EXD3: variants seen among roughly 807,000 people sequenced by gnomAD.
EXD3 encodes the protein exonuclease 3'-5' domain containing 3.
In EXD3, 92 loss-of-function variants were observed where a neutral mutation model predicts 98.0. The observed-to-expected ratio is 0.94, with a 90% CI of 0.79 to 1.12. The LOEUF (loss-of-function observed/expected upper bound fraction) is 1.12. EXD3 is among the 50% of genes most tolerant of loss of function. The pLI, the probability that EXD3 is intolerant of heterozygous loss-of-function variation, is 0.00. For synonymous variants in EXD3, 569 were observed against 526.0 expected (o/e 1.08, Z -1.12); for missense variants, 1,222 against 1,191.6 (o/e 1.03, Z -0.38).
intron 3 of EXD3, among the ~76,000 whole-genome samples, chr9:137,382,321 G>A (rs1836355587): frequency 6.6e-6 from 1 of 151,282 alleles, no homozygotes; most frequent in South Asian, 2.1e-4. Flanking sequence ...CCAAGGAGAC[G>A]CCAGGACGAA....
At position 137,385,893 on chromosome 9, in the gene EXD3, C is replaced by T. The variant is rs1033915597; in HGVS notation, c.56-2516G>A. On this transcript the variant is annotated intron_variant, in intron 2 of 21. Coordinates refer to ENST00000340951, the MANE Select transcript of EXD3 (RefSeq NM_017820.5). This position sits in a 1 kb window ranked among gnomAD's most constrained non-coding sequence, Gnocchi z 4.4. The stretch of plus-strand genomic sequence containing the variant: ...GAGATGAGAAGGTTCTGCAGGTGGA[C>T]GGTGGTGGCAGCTGTGCAGCCACAT... 9.9e-5 allele frequency among the ~76,000 whole-genome samples: 15 copies of T among 152,122 alleles called. No individual in the cohort carries two copies. The highest frequency in any genetic ancestry group is 1.5e-4 in the Non-Finnish European group (10 of 68,040).
At chr9:137,335,285 C>G (rs1003505827) in intron 17 of EXD3, among the ~76,000 whole-genome samples, 3 of 152,044 alleles carry the variant, frequency 2.0e-5, no homozygotes, top group African/African-American at 7.2e-5. Context: ...TACAGATACG[C>G]AGCAAACGTG....
At chr9:137,373,717 ATTCAGCCGCCATCTGCGCCT>A in intron 3 of EXD3, 118 bp from the exon 4 acceptor site, 2 of 1,205,960 alleles carry the variant, frequency 1.7e-6, no homozygotes, top group Non-Finnish European at 2.3e-6. Context: ...AGCTGTGGCC[ATTCAGCCGCCATCTGCGCCT>A]CCGTGACTTT....
chr9:137,384,767 A>G (rs1394313637), intron 2 of EXD3, among the ~76,000 whole-genome samples: 1 of 152,360 alleles, frequency 6.6e-6, no homozygotes, highest in Middle Eastern at 3.4e-3. Flanking sequence ...CAACAGCATC[A>G]GCAATGTCAG....
At chr9:137,354,574 T>TG (rs778324464) in intron 9 of EXD3, 126 bp downstream of exon 9, 10 of 1,543,830 alleles carry the variant, frequency 6.5e-6, no homozygotes, top group Non-Finnish European at 8.7e-6. Context: ...CACCCAGCTC[T>TG]GGGGCAAGAA....
chr9:137,326,691 A>G (rs1372309828), intron 17 of EXD3, among the ~76,000 whole-genome samples: 1 of 152,182 alleles, frequency 6.6e-6, no homozygotes, highest in Admixed American at 6.5e-5. Flanking sequence ...CTTTATAAAA[A>G]AAAAGGGAAA....
intron 7 of EXD3, among the ~76,000 whole-genome samples, chr9:137,364,014 G>C (rs1588352324): frequency 6.6e-6 from 1 of 151,868 alleles, no homozygotes; most frequent in East Asian, 1.9e-4. Flanking sequence ...TTACTTTATT[G>C]AGAGTTGCAA....
chr9:137,329,642 C>CA, intron 17 of EXD3, among the ~76,000 whole-genome samples: 1 of 60,940 alleles, frequency 1.6e-5, no homozygotes, highest in Non-Finnish European at 3.1e-5. Context: ...CGGGACTACA[C>CA]GGGACTACAC....
intron 17 of EXD3, among the ~76,000 whole-genome samples, chr9:137,327,546 G>T (rs1832498635): frequency 6.6e-6 from 1 of 151,942 alleles, no homozygotes; most frequent in Non-Finnish European, 1.5e-5. Flanking sequence ...TGGTTAAAAT[G>T]GTCAATTTCG....
Position 137,352,640 on chromosome 9 carries a change from G to A in EXD3, c.1017C>T (p.Arg339=), listed in dbSNP as rs1465285760. ...CTCACCTCCCCTGGAGCCTGAACCG[G>A]CGGAGTTCCACAGCCACCGCAGCCG... ...RLPAAVAVEL[R]RFRLQGRATE... The change falls in exon 11 of 22, where the codon CGC becomes CGT. Residue 339 remains arginine, a synonymous_variant. Transcript: ENST00000340951. 6.5e-7 allele frequency: 1 copy of A among 1,547,092 alleles called. No individual in the cohort carries two copies. The highest frequency in any genetic ancestry group is 1.2e-5 in the South Asian group (1 of 83,848).
chr9:137,355,236 C>T (rs1255985507), intron 8 of EXD3, among the ~76,000 whole-genome samples: 2 of 152,054 alleles, frequency 1.3e-5, no homozygotes, highest in African/African-American at 4.8e-5. Context: ...CACTCCAGAG[C>T]CTGAGGGGGC....
chr9:137,383,442 C>T (rs936242210), intron 2 of EXD3, 65 bp from the exon 3 acceptor site: 16 of 1,276,830 alleles, frequency 1.3e-5, no homozygotes, highest in Admixed American at 2.3e-5. Flanking sequence ...CACAGCCCGC[C>T]GGGAAGTCCC....
Position 137,351,074 on chromosome 9 carries a change from A to G in EXD3, c.1458T>C (p.Ile486=). 3.8e-6 allele frequency: 6 copies of G among 1,578,066 alleles called. No individual in the cohort carries two copies. The highest frequency in any genetic ancestry group is 2.3e-5 in the East Asian group (1 of 42,848). ...CCAGCAGCAGGTCCATGCCGCCCAG[A>G]ATCTGCTTCTCCACATGGGCCAGGG... ...CPALAHVEKQ[I]LGGMDLLLVH... is the part of the protein sequence containing the mutation. The change falls in exon 14 of 22, where the codon ATT becomes ATC. Residue 486 remains isoleucine (I), a synonymous_variant. Coordinates refer to ENST00000340951, the MANE Select transcript of EXD3 (RefSeq NM_017820.5).
Position 137,372,978 on chromosome 9 carries a change from T to A in EXD3, c.389A>T (p.Gln130Leu). ...GCAGCTCCTGTCTGCATCCTGCAGC[T>A]GGAAGATGCTGGCCAGTGGTGCCGC... ...SLAAPLASIF[Q>L]LQDADRSCLL... Residue 130 changes from glutamine to leucine, a missense_variant, in exon 5 of 22, where the codon CAG becomes CTG. Gln to Leu is a moderately radical substitution (Grantham distance 113, BLOSUM62 -2). Coordinates refer to ENST00000340951, the MANE Select transcript of EXD3 (RefSeq NM_017820.5). The A allele has an allele frequency of 6.2e-7, 1 of 1,604,402 alleles. No individual in the cohort carries two copies. The highest frequency in any genetic ancestry group is 8.5e-7 in the Non-Finnish European group (1 of 1,179,714).
intron 2 of EXD3, among the ~76,000 whole-genome samples, chr9:137,390,150 G>A: frequency 1.0e-5 from 1 of 97,028 alleles, no homozygotes; most frequent in Non-Finnish European, 2.0e-5. Flanking sequence ...AAAAAAAATG[G>A]CCGGGCGCGG....
At chr9:137,336,656 T>TAA (rs34705760) in intron 17 of EXD3, among the ~76,000 whole-genome samples, 1,456 of 112,462 alleles carry the variant, frequency 0.013, 34 homozygotes, top group Middle Eastern at 0.047. Flanking sequence ...AGACTCCGTC[T>TAA]AAAAAAAAAA....
intron 1 of EXD3, among the ~76,000 whole-genome samples, chr9:137,398,719 A>G (rs112447649): frequency 0.57 from 41,753 of 73,710 alleles, 11,358 homozygotes; most frequent in African/African-American, 0.7. Context: ...GTGCACCCGC[A>G]TCCCCAAGAC....
At chr9:137,319,635 C>T (rs554033241) in intron 19 of EXD3, among the ~76,000 whole-genome samples, 4 of 152,164 alleles carry the variant, frequency 2.6e-5, no homozygotes, top group African/African-American at 4.8e-5. Context: ...GAGCACCTCT[C>T]GGGACTCCAG....
At chr9:137,353,986 G>A (rs2119237322) in intron 10 of EXD3, 1 of 1,110,242 alleles carries the variant, frequency 9.0e-7, no homozygotes, top group South Asian at 4.4e-5. Flanking sequence ...GGGGGGCCTG[G>A]CCTTCCTCCT....
Sources: allele counts gnomAD v4.1 joint callset (sites outside exome capture counted in the v4.1 genomes callset), GRCh38; gene constraint gnomAD v4.1.1; non-coding constraint Gnocchi (gnomAD v3.1); transcripts MANE v1.5; gene names NCBI Gene and HGNC (gene_info 2026-07-23, HGNC 2026-07-21).